The following PCDHA12 variants were observed in gnomAD, a reference collection of about 807,000 sequenced individuals.
PCDHA12 encodes protocadherin alpha-12.
Under a neutral mutation model 60.0 loss-of-function variants are expected in PCDHA12, and 44 were observed. The observed-to-expected ratio is 0.73, with a 90% CI of 0.58 to 0.94. The LOEUF (loss-of-function observed/expected upper bound fraction) is 0.94. PCDHA12 is among the 40% of genes least tolerant of loss of function. The pLI, the probability that PCDHA12 is intolerant of heterozygous loss-of-function variation, is 0.00. For missense variants in PCDHA12, 1,276 were observed against 1,239.7 expected, an observed-to-expected ratio of 1.03 and a Z score of -0.44; for synonymous variants, 569 against 553.0, an observed-to-expected ratio of 1.03 and a Z score of -0.40.
chr5:140,927,632 C>G (rs2084445013), intron 1 of PCDHA12: 2 of 1,614,142 alleles, frequency 1.2e-6, no homozygotes, highest in Non-Finnish European at 1.7e-6. Context: ...GAGACTGCAC[C>G]CAATGGGACT....
At position 140,877,089 on chromosome 5, in the gene PCDHA12, C is replaced by T. The variant is rs782771217; in HGVS notation, c.1617C>T (p.Asp539=). Residue 539 remains aspartate (D), a synonymous_variant, in exon 1 of 4, where the codon GAC becomes GAT. Transcript: ENST00000398631. ...TGCAGTTCCAGGTGAGCGCGCGCGA[C>T]GCCGGCGTGCCGCCTCTGGGCAGCA... The part of the protein sequence containing the change: ...ELLQFQVSAR[D]AGVPPLGSNV... 4 of 1,613,082 alleles carry T rather than the reference C, an allele frequency of 2.5e-6. No individual in the cohort carries two copies. The highest frequency in any genetic ancestry group is 1.3e-5 in the African/African-American group (1 of 74,898).
chr5:140,924,437 T>A (rs2081836231), intron 1 of PCDHA12, among the ~76,000 whole-genome samples: 1 of 152,206 alleles, frequency 6.6e-6, no homozygotes, highest in Admixed American at 6.5e-5. Flanking sequence ...CTAGAAGAGA[T>A]AACGAATGGG....
rs374028253 is a variant in PCDHA12, at chr5:140,876,864, G to C, written c.1392G>C (p.Val464=). ...CGCAGCCCGAGTACACAGTGTTCGT[G>C]AAGGAGAACAACCCGCCGGGCTGCC... is the stretch of plus-strand genomic sequence containing the variant. ...AFAQPEYTVF[V]KENNPPGCHI... The change falls in exon 1 of 4, where the codon GTG becomes GTC. Residue 464 remains valine (V), a synonymous_variant. Transcript: ENST00000398631. The C allele has an allele frequency of 5.1e-5, 82 of 1,614,026 alleles. No individual in the cohort carries two copies. The African/African-American group carries it at 1.0e-3, about 20-fold the overall frequency.
intron 1 of PCDHA12, among the ~76,000 whole-genome samples, chr5:140,906,616 T>G (rs1339811951): frequency 6.6e-6 from 1 of 152,228 alleles, no homozygotes. Flanking sequence ...GTATTCCCTT[T>G]GCCTTCAGCA....
intron 1 of PCDHA12, among the ~76,000 whole-genome samples, chr5:140,971,158 C>T (rs1554233066): frequency 6.6e-6 from 1 of 152,172 alleles, no homozygotes; most frequent in African/African-American, 2.4e-5. Context: ...AGGCCAGGCT[C>T]AGCTTTGCCA....
intron 1 of PCDHA12, chr5:140,968,696 A>G (rs1554230980): frequency 6.2e-7 from 1 of 1,614,134 alleles, no homozygotes; most frequent in Non-Finnish European, 8.5e-7. Context: ...AGAAATTAGG[A>G]CTACCAGGAA....
At chr5:140,922,655 C>G (rs1468761948) in intron 1 of PCDHA12, among the ~76,000 whole-genome samples, 1 of 152,134 alleles carries the variant, frequency 6.6e-6, no homozygotes, top group Non-Finnish European at 1.5e-5. Context: ...GTAAATATGG[C>G]TATACTGCAA....
intron 1 of PCDHA12, chr5:140,884,143 G>A: frequency 6.2e-7 from 1 of 1,613,438 alleles, no homozygotes; most frequent in Non-Finnish European, 8.5e-7. Context: ...TCCGCGTGGG[G>A]CTGTACACTG....
chr5:140,982,071 G>A (rs1484711558), intron 2 of PCDHA12, among the ~76,000 whole-genome samples: 12 of 151,172 alleles, frequency 7.9e-5, no homozygotes, highest in Admixed American at 7.9e-4. Flanking sequence ...TTCTTCTTTA[G>A]AGTAGAGAAC....
chr5:140,926,713 C>T (rs1018008271), intron 1 of PCDHA12: 2 of 944,684 alleles, frequency 2.1e-6, no homozygotes, highest in Non-Finnish European at 2.9e-6. Context: ...CTGGCCAGCC[C>T]CGGCAATGCC....
chr5:140,906,238 C>T (rs1309828775), intron 1 of PCDHA12, among the ~76,000 whole-genome samples: 2 of 152,186 alleles, frequency 1.3e-5, no homozygotes, highest in Non-Finnish European at 2.9e-5. Flanking sequence ...CCCTTGTCAA[C>T]TTGAACCCAT....
intron 1 of PCDHA12, among the ~76,000 whole-genome samples, chr5:140,913,742 T>C (rs2153527691): frequency 6.6e-6 from 1 of 152,276 alleles, no homozygotes; most frequent in Non-Finnish European, 1.5e-5. Flanking sequence ...ATAGTACTCC[T>C]TTTGTTGTAT....
chr5:140,942,902 A>G (rs956281163), intron 1 of PCDHA12, among the ~76,000 whole-genome samples: 7 of 152,112 alleles, frequency 4.6e-5, no homozygotes, highest in Admixed American at 1.3e-4. Context: ...ATCTCTAAGA[A>G]TAAGCGTGAA....
At chr5:140,941,973 C>T (rs1249999637) in intron 1 of PCDHA12, among the ~76,000 whole-genome samples, 4 of 152,068 alleles carry the variant, frequency 2.6e-5, no homozygotes, top group Admixed American at 1.3e-4. Context: ...TTTACTTTCC[C>T]TAAACCTTGA....
intron 1 of PCDHA12, among the ~76,000 whole-genome samples, chr5:140,964,670 G>A (rs2095847592): frequency 6.6e-6 from 1 of 151,912 alleles, no homozygotes; most frequent in Non-Finnish European, 1.5e-5. Context: ...CACAGGCCAG[G>A]TCCACAATTT....
At chr5:140,881,191 T>C (rs564115136) in intron 1 of PCDHA12, 2 of 170,408 alleles carry the variant, frequency 1.2e-5, no homozygotes, top group African/African-American at 4.8e-5. Context: ...AAAGATATGT[T>C]AACATCTTTG....
intron 1 of PCDHA12, among the ~76,000 whole-genome samples, chr5:140,974,459 C>G (rs59098360): frequency 0.013 from 1,989 of 152,274 alleles, 54 homozygotes; most frequent in African/African-American, 0.046. Flanking sequence ...TGACTACATT[C>G]AGAGGAAAGT....
chr5:140,931,136 C>T (rs2087318079), intron 1 of PCDHA12, among the ~76,000 whole-genome samples: 1 of 152,166 alleles, frequency 6.6e-6, no homozygotes, highest in African/African-American at 2.4e-5. Context: ...GTGATATTTG[C>T]AGTGGATACT....
chr5:140,883,731 C>A, intron 1 of PCDHA12: 1 of 1,613,446 alleles, frequency 6.2e-7, no homozygotes, highest in Non-Finnish European at 8.5e-7. Flanking sequence ...CAGGAGAACG[C>A]GCTGGTCTCC....
Sources: gnomAD v4.1 joint callset for allele counts (sites outside exome capture counted in the v4.1 genomes callset) on GRCh38, gnomAD v4.1.1 for gene constraint, MANE v1.5 for transcripts, NCBI Gene and HGNC (gene_info 2026-07-23, HGNC 2026-07-21) for gene names.